CAST: variants seen among roughly 807,000 people sequenced by gnomAD.
The protein encoded by CAST is MIR583 host.
In CAST, 76 loss-of-function variants were observed where a neutral mutation model predicts 119.6. The observed-to-expected ratio is 0.64, with a 90% CI of 0.53 to 0.77. The LOEUF (loss-of-function observed/expected upper bound fraction) is 0.77. Ranked by LOEUF, CAST falls within the 30% of genes least tolerant of loss-of-function variation. The pLI, the probability that CAST is intolerant of heterozygous loss-of-function variation, is 0.00. For synonymous variants in CAST, 319 were observed against 331.6 expected (o/e 0.96, Z 0.41); for missense variants, 953 against 946.5 (o/e 1.01, Z -0.09).
At position 96,773,775 on chromosome 5, in the gene CAST, T is replaced by C. The variant is rs1282933519; in HGVS notation, c.*1159T>C. 6.6e-6 allele frequency: 1 copy of C among 152,282 alleles called. No homozygotes were observed. Among genetic ancestry groups the C allele is most frequent in the African/African-American group, 2.4e-5 (1 of 41,426 alleles). The allele number at this position is 152,282 out of a possible 1,614,324, so 9.4% of individuals were successfully genotyped here. On this transcript the variant is annotated 3_prime_UTR_variant, in exon 32 of 32. Transcript: ENST00000675179. ...ATTTAATTTCATCTTTATTTCCTGGTAGAGAATGCAGGAAAAGATGTCAGG... is the reference window on the plus strand; with the variant it reads ...ATTTAATTTCATCTTTATTTCCTGGCAGAGAATGCAGGAAAAGATGTCAGG...
the CAST span, among the ~76,000 whole-genome samples, chr5:96,128,238 GC>G: frequency 6.6e-6 from 1 of 152,038 alleles, no homozygotes; most frequent in East Asian, 1.9e-4. Context: ...ATGTTTTGAA[GC>G]CCCCTGAGGA....
chr5:96,191,632 G>A, the CAST span, among the ~76,000 whole-genome samples: 1 of 152,152 alleles, frequency 6.6e-6, no homozygotes, highest in Admixed American at 6.5e-5. Context: ...GTCTCGCTCT[G>A]TCACCAGGCT....
chr5:96,689,911 A>G (rs1199263517), intron 2 of CAST, among the ~76,000 whole-genome samples: 11 of 152,162 alleles, frequency 7.2e-5, no homozygotes, highest in Non-Finnish European at 1.6e-4. Flanking sequence ...AAGATTATAT[A>G]GCAAGTTCAG....
chr5:96,314,468 T>C, the CAST span, among the ~76,000 whole-genome samples: 1 of 152,198 alleles, frequency 6.6e-6, no homozygotes, highest in Non-Finnish European at 1.5e-5. Context: ...GCTGAGCAAA[T>C]GGGGCTCCAG....
At chr5:96,249,399 T>C in the CAST span, among the ~76,000 whole-genome samples, 1 of 152,338 alleles carries the variant, frequency 6.6e-6, no homozygotes, top group East Asian at 1.9e-4. Flanking sequence ...TCTCTGTGCC[T>C]TATTTTTCTT....
At chr5:96,392,452 G>C in the CAST span, 1 of 154,308 alleles carries the variant, frequency 6.5e-6, no homozygotes, top group Non-Finnish European at 1.4e-5. Context: ...AACATGACCA[G>C]ATTTTGACTA....
At chr5:96,445,468 A>C in the CAST span, among the ~76,000 whole-genome samples, 26,867 of 152,138 alleles carry the variant, frequency 0.18, 4,063 homozygotes, top group African/African-American at 0.41. Context: ...CCAGACACAT[A>C]ATGGTTCCCT....
chr5:96,051,613 A>T, the CAST span, among the ~76,000 whole-genome samples: 2 of 152,096 alleles, frequency 1.3e-5, no homozygotes, highest in African/African-American at 4.8e-5. Flanking sequence ...GGATTGGCAG[A>T]GGAGGGGGAG....
chr5:96,511,248 G>A, the CAST span, among the ~76,000 whole-genome samples: 1 of 152,178 alleles, frequency 6.6e-6, no homozygotes, highest in Admixed American at 6.5e-5. Flanking sequence ...GGGTTCAAGT[G>A]ATTCTCCTGC....
chr5:96,024,888 A>G, the CAST span, among the ~76,000 whole-genome samples: 1 of 152,038 alleles, frequency 6.6e-6, no homozygotes, highest in African/African-American at 2.4e-5. Context: ...TTTTGCCAGG[A>G]TAATCTCATT....
the CAST span, among the ~76,000 whole-genome samples, chr5:96,262,702 TG>T: frequency 6.6e-6 from 1 of 151,908 alleles, no homozygotes; most frequent in Non-Finnish European, 1.5e-5. Context: ...GCTAATTTTT[TG>T]TGTGTGTATT....
intron 2 of CAST, among the ~76,000 whole-genome samples, chr5:96,685,176 T>C (rs986271760): frequency 3.3e-5 from 5 of 152,110 alleles, no homozygotes; most frequent in African/African-American, 1.2e-4. Flanking sequence ...CTGAAGAGAT[T>C]ATATTTTATT....
the CAST span, among the ~76,000 whole-genome samples, chr5:96,236,490 C>CT: frequency 6.6e-6 from 1 of 152,162 alleles, no homozygotes. Context: ...CTTCCCTTTC[C>CT]TTTGCCCAGC....
intron 3 of CAST, among the ~76,000 whole-genome samples, chr5:96,711,671 T>G (rs554454132): frequency 8.5e-5 from 13 of 152,334 alleles, no homozygotes; most frequent in African/African-American, 3.1e-4. Flanking sequence ...CTAAAATTCT[T>G]TTCAGCAGAC....
intron 10 of CAST, among the ~76,000 whole-genome samples, chr5:96,737,173 T>G (rs529007219): frequency 1.3e-5 from 2 of 152,284 alleles, no homozygotes; most frequent in African/African-American, 4.8e-5. Flanking sequence ...CAATTGGAGT[T>G]GAGACTTGGG....
At chr5:96,586,379 T>C (rs913677884) in intron 1 of CAST, among the ~76,000 whole-genome samples, 7 of 152,256 alleles carry the variant, frequency 4.6e-5, no homozygotes, top group African/African-American at 1.7e-4. Flanking sequence ...TATCATAATT[T>C]AACACTGGCA....
At chr5:96,017,782 A>G in the CAST span, among the ~76,000 whole-genome samples, 1 of 152,216 alleles carries the variant, frequency 6.6e-6, no homozygotes, top group African/African-American at 2.4e-5. Flanking sequence ...AATGTTGCTA[A>G]GGATTAAGAA....
At chr5:95,970,060 C>G in the CAST span, among the ~76,000 whole-genome samples, 2 of 152,174 alleles carry the variant, frequency 1.3e-5, no homozygotes, top group Non-Finnish European at 2.9e-5. Flanking sequence ...TGCATGTATC[C>G]CTGTGTATAT....
chr5:96,485,950 C>T, the CAST span, among the ~76,000 whole-genome samples: 1 of 152,118 alleles, frequency 6.6e-6, no homozygotes, highest in African/African-American at 2.4e-5. Context: ...GTATTTTTCC[C>T]TTTAATTGTA....
Sources: allele counts gnomAD v4.1 joint callset (sites outside exome capture counted in the v4.1 genomes callset), GRCh38; gene constraint gnomAD v4.1.1; transcripts MANE v1.5; gene names NCBI Gene and HGNC (gene_info 2026-07-23, HGNC 2026-07-21).